The following NLRP5 variants were observed in gnomAD, a reference collection of about 807,000 sequenced individuals.
The protein encoded by NLRP5 is NACHT, LRR and PYD domains-containing protein 5.
In NLRP5, 93 loss-of-function variants were observed where a neutral mutation model predicts 113.1. The ratio of observed to expected loss-of-function variants is 0.82; its 90% CI spans 0.70 to 0.98. NLRP5 has a LOEUF of 0.98. Ranked by LOEUF, NLRP5 falls within the 50% of genes least tolerant of loss-of-function variation. NLRP5 has a pLI of 0.00. For missense variants in NLRP5, 1,808 were observed against 1,514.3 expected, an observed-to-expected ratio of 1.19 and a Z score of -3.22; for synonymous variants, 751 against 600.7, an observed-to-expected ratio of 1.25 and a Z score of -3.66.
intron 11 of NLRP5, among the ~76,000 whole-genome samples, chr19:56,042,351 CTTG>C (rs1190143476): frequency 1.3e-5 from 2 of 151,816 alleles, no homozygotes; most frequent in East Asian, 3.9e-4. Context: ...AAGTTCTTTT[CTTG>C]TTGTGTTTTG....
rs757839470 is a variant in NLRP5, at chr19:56,058,417, C to T, written c.3470+7C>T. On this transcript the variant is annotated splice_region_variant and intron_variant, in intron 14 of 14. Transcript: ENST00000390649. The stretch of plus-strand genomic sequence containing the variant: ...CTAACTTACAGATAATTGGGTAAGT[C>T]GCCAGCAATTGTCTTCTGAGATACA... 6.2e-6 allele frequency: 10 copies of T among 1,605,876 alleles called. No individual in the cohort carries two copies. Among genetic ancestry groups the T allele is most frequent in the East Asian group, 4.5e-5 (2 of 44,742 alleles).
the NLRP5 span, chr19:55,988,131 G>A: frequency 1.2e-5 from 5 of 434,090 alleles, no homozygotes; most frequent in African/African-American, 6.1e-5. Flanking sequence ...GGTGGCTCAC[G>A]CCTGTAACCC....
intron 3 of NLRP5, among the ~76,000 whole-genome samples, chr19:56,014,424 G>T (rs1473354937): frequency 6.7e-6 from 1 of 148,448 alleles, no homozygotes; most frequent in African/African-American, 2.5e-5. Context: ...AGGTTCCAGT[G>T]AACCAAGATC....
chr19:56,040,280 G>A (rs1450158903), intron 10 of NLRP5, among the ~76,000 whole-genome samples: 2 of 152,140 alleles, frequency 1.3e-5, no homozygotes, highest in Non-Finnish European at 2.9e-5. Flanking sequence ...AATTGGCCCA[G>A]TACAGTGGCT....
chr19:56,012,050 T>C (rs1016998653), intron 3 of NLRP5, among the ~76,000 whole-genome samples: 4 of 152,158 alleles, frequency 2.6e-5, no homozygotes, highest in African/African-American at 9.7e-5. Flanking sequence ...GGTGAATCTA[T>C]TTAGTCTAAT....
In NLRP5 at chr19:56,003,931, C is replaced by T. The variant is rs1438258573; in HGVS notation, c.278C>T (p.Thr93Ile). The T allele has an allele frequency of 1.9e-6, 3 of 1,614,034 alleles. No individual in the cohort carries two copies. The highest frequency in any genetic ancestry group is 1.7e-5 in the Admixed American group (1 of 60,010). Residue 93 changes from threonine (T) to isoleucine (I), a missense_variant, in exon 2 of 15, where the codon ACA (threonine) becomes ATA (isoleucine). Thr to Ile is a moderately conservative substitution (Grantham distance 89, BLOSUM62 -1). Coordinates refer to ENST00000390649, the MANE Select transcript of NLRP5 (RefSeq NM_153447.4). ...AAGAAGAAATCTTCAGAATCGACCA[C>T]ATGCTCTATTCCACAGTTTGAAATC... is the stretch of plus-strand genomic sequence containing the variant.
At chr19:56,048,979 A>ATTTT (rs60229740) in intron 11 of NLRP5, among the ~76,000 whole-genome samples, 4,615 of 94,364 alleles carry the variant, frequency 0.049, 356 homozygotes, top group African/African-American at 0.098. Context: ...TTTTTTTTTA[A>ATTTT]TTTTTTTTTT....
intron 11 of NLRP5, among the ~76,000 whole-genome samples, chr19:56,048,673 A>G (rs1012245299): frequency 2.6e-5 from 4 of 152,088 alleles, no homozygotes; most frequent in Admixed American, 6.6e-5. Flanking sequence ...TTAATTTTAG[A>G]TAAGCTGATG....
At chr19:56,045,953 G>A (rs545781764) in intron 11 of NLRP5, among the ~76,000 whole-genome samples, 1 of 152,294 alleles carries the variant, frequency 6.6e-6, no homozygotes, top group South Asian at 2.1e-4. Context: ...GAGGCCTTCT[G>A]GATGTGTACA....
upstream of NLRP5, among the ~76,000 whole-genome samples, chr19:55,996,903 A>C (rs1246527911): frequency 6.6e-6 from 1 of 152,202 alleles, no homozygotes; most frequent in Non-Finnish European, 1.5e-5. Flanking sequence ...TCCCTGAGGA[A>C]TCGCCACACT....
chr19:55,997,069 C>G (rs1428326592), upstream of NLRP5, among the ~76,000 whole-genome samples: 1 of 152,138 alleles, frequency 6.6e-6, no homozygotes, highest in Non-Finnish European at 1.5e-5. Context: ...TTTTGATTTG[C>G]ATTTCTCTGA....
At position 56,028,056 on chromosome 19, in the gene NLRP5, G is replaced by GC. The variant is rs773600540; in HGVS notation, c.1826dup (p.Leu610SerfsTer4). On this transcript the variant is annotated frameshift_variant, in exon 7 of 15. Coordinates refer to ENST00000390649, the MANE Select transcript of NLRP5 (RefSeq NM_153447.4). LOFTEE classifies it high-confidence loss of function. The stretch of plus-strand genomic sequence containing the variant: ...GGCCTGGAAATCGAGCCAGCTCTCT[G>GC]CCCTCTGTACGTTGAGAAGACAAAG... The GC allele has an allele frequency of 6.2e-7, 1 of 1,613,868 alleles. No homozygotes were observed. Among genetic ancestry groups the GC allele is most frequent in the Non-Finnish European group, 8.5e-7 (1 of 1,179,886 alleles).
At chr19:56,054,598 TCCA>T (rs370515844) in intron 13 of NLRP5, among the ~76,000 whole-genome samples, 91 of 148,372 alleles carry the variant, frequency 6.1e-4, no homozygotes, top group African/African-American at 2.1e-3. Context: ...GCTGATACGT[TCCA>T]CCACATGGAT....
intron 6 of NLRP5, among the ~76,000 whole-genome samples, chr19:56,025,417 TTTTTTTGAGATGGA>T (rs1211503068): frequency 4.0e-5 from 6 of 151,818 alleles, no homozygotes; most frequent in Non-Finnish European, 4.4e-5. Flanking sequence ...TCTCTCTGTT[TTTTTTTGAGATGGA>T]GTCTCGCTCT....
chr19:56,036,058 C>CTTTTTTTTTTTTTTTTTTTTTTTTTT (rs34956178), intron 9 of NLRP5, among the ~76,000 whole-genome samples: 3 of 77,018 alleles, frequency 3.9e-5, no homozygotes, highest in Admixed American at 1.7e-4. Context: ...AATTGAGATT[C>CTTTTTTTTTTTTTTTTTTTTTTTTTT]TTTTTTTTTT....
chr19:56,053,822 G>T lies in NLRP5; in HGVS notation c.3299+14G>T. 6.2e-7 allele frequency: 1 copy of T among 1,610,098 alleles called. No homozygotes were observed. The highest frequency in any genetic ancestry group is 8.5e-7 in the Non-Finnish European group (1 of 1,177,316). On this transcript the variant is annotated intron_variant, in intron 13 of 14. Transcript: ENST00000390649. ...GGCGAGACTCGGGTAACTTCCTGGGGCGCCTCTTTGCGGGCCGGGCTGGGA... is the reference window on the plus strand; with the variant it reads ...GGCGAGACTCGGGTAACTTCCTGGGTCGCCTCTTTGCGGGCCGGGCTGGGA...
Position 56,055,537 on chromosome 19 carries a change from CTTT to C in NLRP5, c.3299+1753_3299+1755del, listed in dbSNP as rs1160965587. On this transcript the variant is annotated intron_variant, in intron 13 of 14. Coordinates refer to ENST00000390649, the MANE Select transcript of NLRP5 (RefSeq NM_153447.4). ...CCATGTTCTATTTTTCTTTCTCTGT[CTTT>C]TTTTTTTTTTTTTTTTTTTTTTTAA... is the stretch of plus-strand genomic sequence containing the variant. Among the ~76,000 whole-genome samples, 44 of 76,454 alleles carry C rather than the reference CTTT, an allele frequency of 5.8e-4. 1 individual carries two copies. The highest frequency in any genetic ancestry group is 3.7e-3 in the South Asian group (7 of 1,884). The allele number at this position is 76,454 out of a possible 152,430, so 50.2% of individuals were successfully genotyped here.
chr19:56,020,693 A>G, intron 6 of NLRP5, among the ~76,000 whole-genome samples: 1 of 148,922 alleles, frequency 6.7e-6, no homozygotes, highest in Non-Finnish European at 1.5e-5. Context: ...CGAATCAATC[A>G]CAACTTTGTT....
chr19:56,009,083 A>G (rs1330674693), intron 3 of NLRP5, among the ~76,000 whole-genome samples: 1 of 152,056 alleles, frequency 6.6e-6, no homozygotes, highest in African/African-American at 2.4e-5. Flanking sequence ...TCATGCCTGT[A>G]ATCCCAGTAC....
Sources: allele counts gnomAD v4.1 joint callset (sites outside exome capture counted in the v4.1 genomes callset), GRCh38; gene constraint gnomAD v4.1.1; transcripts MANE v1.5; gene names NCBI Gene and HGNC (gene_info 2026-07-23, HGNC 2026-07-21).